The following PAK2 variants were observed in gnomAD, a reference collection of about 807,000 sequenced individuals.
PAK2 encodes the protein p21 (RAC1) activated kinase 2.
PAK2 carries 21 observed loss-of-function variants against 65.9 expected under a neutral mutation model. The ratio of observed to expected loss-of-function variants is 0.32; its 90% confidence interval spans 0.23 to 0.46. PAK2 has a LOEUF of 0.46. Ranked by LOEUF, PAK2 falls within the 20% of genes least tolerant of loss-of-function variation. The pLI is 1.00. For synonymous variants in PAK2, 204 were observed against 219.7 expected (o/e 0.93, Z 0.63); for missense variants, 324 against 642.6 (o/e 0.50, Z 5.36).
chr3:196,782,720 C>G lies in PAK2; in HGVS notation c.74C>G (p.Thr25Ser). 1.2e-6 allele frequency: 2 copies of G among 1,612,198 alleles called. No individual in the cohort carries two copies. Among genetic ancestry groups the G allele is most frequent in the Non-Finnish European group, 1.7e-6 (2 of 1,178,242 alleles). Residue 25 changes from threonine (T) to serine (S), a missense_variant, in exon 2 of 15, where the codon ACT becomes AGT. Physicochemically the swap from Thr to Ser is moderately conservative, Grantham distance 58. Coordinates refer to ENST00000327134, the MANE Select transcript of PAK2 (RefSeq NM_002577.4). The part of the protein sequence containing the change: ...PVRMSSTIFS[T>S]GGKDPLSANH... ...CGAATGAGCAGCACCATCTTTAGCA[C>G]TGGAGGCAAAGACCCTTTGTCAGCC... is the stretch of plus-strand genomic sequence containing the variant.
rs1196284071 is a variant in PAK2, at chr3:196,811,000, A to G, written c.773+347A>G. Among the ~76,000 whole-genome samples, 4 of 152,132 alleles carry G rather than the reference A, an allele frequency of 2.6e-5. No individual in the cohort carries two copies. The East Asian group carries it at 7.7e-4, about 29-fold the overall frequency. On this transcript the variant is annotated intron_variant, in intron 8 of 14. Coordinates refer to ENST00000327134, the MANE Select transcript of PAK2 (RefSeq NM_002577.4). ...ATGCATTTAAATCATGTCATTGTGT[A>G]TTGACTTTTGAGTCTACTGATCTTC... is the stretch of plus-strand genomic sequence containing the variant.
chr3:196,764,998 C>T (rs1387260376), intron 1 of PAK2, among the ~76,000 whole-genome samples: 1 of 150,100 alleles, frequency 6.7e-6, no homozygotes, highest in African/African-American at 2.5e-5. Flanking sequence ...GCACCCGCCA[C>T]CACGCCCAGC....
At chr3:196,755,439 A>G in intron 1 of PAK2, among the ~76,000 whole-genome samples, 1 of 145,792 alleles carries the variant, frequency 6.9e-6, no homozygotes, top group East Asian at 2.0e-4. Flanking sequence ...CAGAGTGTTT[A>G]CGCATTTCTT....
At chr3:196,825,573 G>T (rs1458551257) in intron 13 of PAK2, among the ~76,000 whole-genome samples, 2 of 151,886 alleles carry the variant, frequency 1.3e-5, no homozygotes, top group Admixed American at 6.6e-5. Context: ...AACTCAGGAG[G>T]TGAAGGTTGC....
At chr3:196,822,835 C>T (rs1449078486) in intron 13 of PAK2, among the ~76,000 whole-genome samples, 2 of 152,182 alleles carry the variant, frequency 1.3e-5, no homozygotes, top group Non-Finnish European at 2.9e-5. Flanking sequence ...GCAGAAGGCA[C>T]AGCAAGTGCA....
chr3:196,826,260 C>G (rs929979959), intron 13 of PAK2, among the ~76,000 whole-genome samples: 2 of 151,954 alleles, frequency 1.3e-5, no homozygotes, highest in Non-Finnish European at 2.9e-5. Flanking sequence ...CAAGCTCTGC[C>G]TCCCGGGTTC....
intron 2 of PAK2, among the ~76,000 whole-genome samples, chr3:196,800,788 C>CT (rs1715401601): frequency 6.6e-6 from 1 of 152,024 alleles, no homozygotes; most frequent in Non-Finnish European, 1.5e-5. Flanking sequence ...AGGGTTCCAA[C>CT]TTATATATAT....
At chr3:196,754,865 G>A (rs1407527755) in intron 1 of PAK2, among the ~76,000 whole-genome samples, 2 of 152,208 alleles carry the variant, frequency 1.3e-5, no homozygotes, top group Non-Finnish European at 2.9e-5. Context: ...CTGCCTCTGT[G>A]TAGCAAGGAG....
intron 1 of PAK2, among the ~76,000 whole-genome samples, chr3:196,775,628 G>T (rs148749684): frequency 6.6e-6 from 1 of 151,998 alleles, no homozygotes; most frequent in Admixed American, 6.6e-5. Context: ...TGATCTGCCC[G>T]CCTCAGCTTC....
At position 196,783,817 on chromosome 3, in the gene PAK2, G is replaced by T. The variant is rs62409411; in HGVS notation, c.187+984G>T. On this transcript the variant is annotated intron_variant, in intron 2 of 14. Coordinates refer to ENST00000327134, the MANE Select transcript of PAK2 (RefSeq NM_002577.4). ...GCCTGTTTGGGAACCTTTTATGAAT[G>T]GAATTATGCTGTCTGCATTTTTTCC... is the stretch of plus-strand genomic sequence containing the variant. Among the ~76,000 whole-genome samples the T allele has an allele frequency of 7.1e-3, 1,080 of 152,196 alleles. 6 individuals carry two copies. The highest frequency in any genetic ancestry group is 0.012 in the Non-Finnish European group (820 of 68,008).
At chr3:196,817,755 G>A (rs1454794064) in intron 11 of PAK2, among the ~76,000 whole-genome samples, 4 of 152,002 alleles carry the variant, frequency 2.6e-5, no homozygotes, top group African/African-American at 7.2e-5. Context: ...TGTCTCACCC[G>A]GCCAGGAGGC....
chr3:196,740,629 A>T (rs1236377144), intron 1 of PAK2, among the ~76,000 whole-genome samples: 1 of 152,168 alleles, frequency 6.6e-6, no homozygotes, highest in African/African-American at 2.4e-5. Flanking sequence ...TGTCGCGAGT[A>T]GCTTGACTGT....
chr3:196,776,026 A>G (rs1253174061), intron 1 of PAK2, among the ~76,000 whole-genome samples: 1 of 152,208 alleles, frequency 6.6e-6, no homozygotes. Context: ...GGTGAAGGGT[A>G]AAGATGGAGT....
intron 7 of PAK2, 35 bp from the exon 8 acceptor site, chr3:196,810,555 G>A (rs1373182528): frequency 1.7e-6 from 2 of 1,168,400 alleles, no homozygotes; most frequent in East Asian, 2.3e-5. Flanking sequence ...CACTTAAAAT[G>A]CTTGACTGAG....
chr3:196,810,974 A>T (rs1375115079), intron 8 of PAK2, among the ~76,000 whole-genome samples: 1 of 152,102 alleles, frequency 6.6e-6, no homozygotes, highest in Non-Finnish European at 1.5e-5. Context: ...AGCAATAAAA[A>T]ATGCATTTAA....
intron 1 of PAK2, among the ~76,000 whole-genome samples, chr3:196,757,939 G>T (rs2108716809): frequency 6.6e-6 from 1 of 152,316 alleles, no homozygotes; most frequent in Non-Finnish European, 1.5e-5. Flanking sequence ...TGGAGCATTT[G>T]TCTTAGCTTC....
At chr3:196,795,454 G>T (rs1321518945) in intron 2 of PAK2, among the ~76,000 whole-genome samples, 1 of 151,974 alleles carries the variant, frequency 6.6e-6, no homozygotes, top group Non-Finnish European at 1.5e-5. Flanking sequence ...GTGTCAGAGC[G>T]AGACCCTGTT....
At chr3:196,818,747 T>G (rs1711558222) in intron 12 of PAK2, among the ~76,000 whole-genome samples, 1 of 152,212 alleles carries the variant, frequency 6.6e-6, no homozygotes, top group Non-Finnish European at 1.5e-5. Context: ...AATTAAACTT[T>G]TGGATGACAT....
chr3:196,780,385 C>T (rs1489005685), intron 1 of PAK2, among the ~76,000 whole-genome samples: 2 of 152,152 alleles, frequency 1.3e-5, no homozygotes, highest in Admixed American at 6.5e-5. Flanking sequence ...ACAATCATGG[C>T]GGAAGGCGAG....
Sources: gnomAD v4.1 joint callset for allele counts (sites outside exome capture counted in the v4.1 genomes callset) on GRCh38, gnomAD v4.1.1 for gene constraint, MANE v1.5 for transcripts, NCBI Gene and HGNC (gene_info 2026-07-23, HGNC 2026-07-21) for gene names.